The following NR1I2 variants were observed in gnomAD, a reference collection of about 807,000 sequenced individuals.
NR1I2 encodes the protein nuclear receptor subfamily 1 group I member 2.
Under a neutral mutation model 43.3 loss-of-function variants are expected in NR1I2, and 42 were observed. The ratio of observed to expected loss-of-function variants is 0.97; its 90% CI spans 0.76 to 1.26. NR1I2 has a LOEUF of 1.26. NR1I2 is among the 50% of genes most tolerant of loss of function. The pLI, the probability that NR1I2 is intolerant of heterozygous loss-of-function variation, is 0.00. For synonymous variants in NR1I2, 229 were observed against 215.0 expected (o/e 1.06, Z -0.57); for missense variants, 559 against 566.7 (o/e 0.99, Z 0.14).
At chr3:119,802,178 G>A (rs913545429) in intron 1 of NR1I2, among the ~76,000 whole-genome samples, 1 of 152,098 alleles carries the variant, frequency 6.6e-6, no homozygotes, top group African/African-American at 2.4e-5. Flanking sequence ...CTCTAGCGGG[G>A]GCTTCATAAG....
intron 1 of NR1I2, among the ~76,000 whole-genome samples, chr3:119,806,510 T>C (rs1033464508): frequency 8.5e-5 from 13 of 152,106 alleles, no homozygotes; most frequent in Non-Finnish European, 1.5e-4. Context: ...GGTCTCAGAT[T>C]CCTGGGCTCA....
At chr3:119,792,424 T>C in intron 1 of NR1I2, 6 of 1,198,778 alleles carry the variant, frequency 5.0e-6, no homozygotes, top group Non-Finnish European at 6.2e-6. Flanking sequence ...CACTGGCCAC[T>C]GCAGGGGACG....
intron 2 of NR1I2, 147 bp from the exon 3 acceptor site, chr3:119,809,914 T>G: frequency 9.6e-7 from 1 of 1,041,970 alleles, no homozygotes; most frequent in Non-Finnish European, 1.4e-6. Context: ...ACCCTTCCCA[T>G]AAAGCCTGAC....
chr3:119,784,499 T>A (rs1356623948), intron 1 of NR1I2, among the ~76,000 whole-genome samples: 1 of 152,182 alleles, frequency 6.6e-6, no homozygotes, highest in Non-Finnish European at 1.5e-5. Context: ...TAAATCATAC[T>A]TTTTAGCCAA....
intron 2 of NR1I2, among the ~76,000 whole-genome samples, chr3:119,808,882 G>A (rs1331001003): frequency 3.9e-5 from 6 of 152,226 alleles, no homozygotes. Flanking sequence ...GTGAGCCCCG[G>A]TTTCATCTTT....
rs572498931 is a variant in NR1I2, at chr3:119,802,988, G to T, written c.-22-4241G>T. 326 of 456,588 alleles carry T rather than the reference G, an allele frequency of 7.1e-4. 1 individual carries two copies. Among genetic ancestry groups the T allele is most frequent in the South Asian group, 1.4e-3 (88 of 64,552 alleles). The allele number at this position is 456,588 out of a possible 1,614,324, so 28.3% of individuals were successfully genotyped here. ...TTAGAAGATGGGGACTTTGGGGGGT[G>T]ATTGGGTCATGAGGGTAGAACCCTC... On this transcript the variant is annotated intron_variant, in intron 1 of 8. Transcript: ENST00000393716.
At position 119,815,125 on chromosome 3, in the gene NR1I2, C is replaced by T. The variant is rs2055300854; in HGVS notation, c.937+4C>T. On this transcript the variant is annotated splice_donor_region_variant and intron_variant, in intron 6 of 8. Transcript: ENST00000393716. ...TACTGCTTGGAAGACACTGCAGGTG[C>T]CCGAGAGAGCCTGCCTGCCCTGGCA... 1 of 1,614,122 alleles carries T rather than the reference C, an allele frequency of 6.2e-7. No homozygotes were observed. The highest frequency in any genetic ancestry group is 8.5e-7 in the Non-Finnish European group (1 of 1,180,024).
chr3:119,796,051 C>G (rs116744456), intron 1 of NR1I2, among the ~76,000 whole-genome samples: 269 of 152,292 alleles, frequency 1.8e-3, no homozygotes, highest in African/African-American at 6.1e-3. Flanking sequence ...TCACTTTCCC[C>G]CAAGGCACAA....
intron 2 of NR1I2, among the ~76,000 whole-genome samples, chr3:119,809,527 CTGG>C (rs1455558498): frequency 6.1e-5 from 6 of 98,520 alleles, no homozygotes; most frequent in Non-Finnish European, 9.9e-5. Context: ...GGAAGGGGAG[CTGG>C]AGAAGGCGGC....
rs1462533648 is a variant in NR1I2, at chr3:119,810,116, G to A, written c.253G>A (p.Glu85Lys). 6.2e-7 allele frequency: 1 copy of A among 1,613,662 alleles called. No homozygotes were observed. Among genetic ancestry groups the A allele is most frequent in the East Asian group, 2.2e-5 (1 of 44,858 alleles). The change falls in exon 3 of 9, where the codon GAG becomes AAG. Residue 85 changes from glutamate (E) to lysine (K), a missense_variant. By Grantham distance (56) the Glu-to-Lys change is moderately conservative. This residue lies in a region of NR1I2 where 232 missense variants were observed against 236.6 expected (regional missense o/e 0.98). Transcript: ENST00000393716. Reference sequence around the variant, plus strand: ...GTGCCCCTTCCGGAAGGGCGCCTGCGAGATCACCCGGAAGACCCGGCGACA... The same window carrying A: ...GTGCCCCTTCCGGAAGGGCGCCTGCAAGATCACCCGGAAGACCCGGCGACA...
At chr3:119,806,525 A>T (rs114109963) in intron 1 of NR1I2, among the ~76,000 whole-genome samples, 1 of 151,934 alleles carries the variant, frequency 6.6e-6, no homozygotes, top group African/African-American at 2.4e-5. Context: ...GGCTCAAGCG[A>T]TCCTCTTGCC....
intron 1 of NR1I2, among the ~76,000 whole-genome samples, chr3:119,796,673 C>G (rs2107956575): frequency 6.6e-6 from 1 of 152,346 alleles, no homozygotes; most frequent in East Asian, 1.9e-4. Flanking sequence ...CCTCCACATT[C>G]AAACTTGTCT....
intron 2 of NR1I2, 57 bp downstream of exon 2, chr3:119,807,504 C>A: frequency 7.0e-7 from 1 of 1,436,296 alleles, no homozygotes; most frequent in Non-Finnish European, 9.8e-7. Flanking sequence ...TGGGTAACGT[C>A]TCAGGGCCTC....
rs1369003907 is a variant in NR1I2 at position 119,817,737 on chromosome 3, A to G, written c.*525A>G. ...CAGGCCTGTACTCATCGGCAGGCGC[A>G]TGAGTATCTGTGGGAGTCCTCTAGA... On this transcript the variant is annotated 3_prime_UTR_variant, in exon 9 of 9. Coordinates refer to ENST00000393716, the MANE Select transcript of NR1I2 (RefSeq NM_003889.4). 6 of 1,031,366 alleles carry G rather than the reference A, an allele frequency of 5.8e-6. No individual in the cohort carries two copies. The highest frequency in any genetic ancestry group is 8.2e-5 in the East Asian group (1 of 12,246). The allele number at this position is 1,031,366 out of a possible 1,614,324, so 63.9% of individuals were successfully genotyped here. A position where few individuals can be genotyped will look rare whatever the true frequency, so the allele number is the denominator to read the frequency against.
intron 1 of NR1I2, among the ~76,000 whole-genome samples, chr3:119,801,837 C>T (rs190708322): frequency 6.9e-4 from 105 of 152,220 alleles, no homozygotes; most frequent in African/African-American, 2.3e-3. Context: ...TTGGTGAGGG[C>T]GGCCGGGAGG....
chr3:119,783,787 CTG>C (rs1459756083), intron 1 of NR1I2, among the ~76,000 whole-genome samples: 1 of 152,138 alleles, frequency 6.6e-6, no homozygotes. Flanking sequence ...ACCATTGTGT[CTG>C]TGTGTGTGTT....
intron 1 of NR1I2, among the ~76,000 whole-genome samples, chr3:119,794,006 C>A (rs1410583431): frequency 6.6e-6 from 1 of 151,928 alleles, no homozygotes; most frequent in East Asian, 1.9e-4. Context: ...TTTGTAATTG[C>A]GTGTTTTTTA....
chr3:119,790,247 T>C (rs1380018016), intron 1 of NR1I2, among the ~76,000 whole-genome samples: 4 of 152,232 alleles, frequency 2.6e-5, no homozygotes, highest in African/African-American at 7.2e-5. Context: ...AATTTCCTTT[T>C]TTTTAAGGCT....
chr3:119,816,928 G>A, intron 8 of NR1I2, 140 bp from the exon 9 acceptor site: 2 of 1,062,056 alleles, frequency 1.9e-6, no homozygotes, highest in Non-Finnish European at 2.8e-6. Context: ...TAAAAGAGAA[G>A]CTTACGGAAT....
Sources: gnomAD v4.1 joint callset for allele counts (sites outside exome capture counted in the v4.1 genomes callset) on GRCh38, gnomAD v4.1.1 for gene constraint, gnomAD v4.1.1 regional missense constraint, MANE v1.5 for transcripts, NCBI Gene and HGNC (gene_info 2026-07-23, HGNC 2026-07-21) for gene names.